SLTM: variants seen among roughly 807,000 people sequenced by gnomAD.
The protein encoded by SLTM is SAFB-like transcription modulator.
In SLTM, 43 loss-of-function variants were observed where a neutral mutation model predicts 134.6. The ratio of observed to expected loss-of-function variants is 0.32; its 90% CI spans 0.25 to 0.41. SLTM has a LOEUF of 0.41. SLTM is among the 10% of genes least tolerant of loss of function. SLTM has a pLI of 1.00. For synonymous variants in SLTM, 424 were observed against 432.3 expected (o/e 0.98, Z 0.24); for missense variants, 1,055 against 1,288.8 (o/e 0.82, Z 2.78).
chr15:58,897,724 A>G (rs550786787), intron 8 of SLTM, among the ~76,000 whole-genome samples: 3 of 152,284 alleles, frequency 2.0e-5, no homozygotes, highest in Admixed American at 1.3e-4. Flanking sequence ...ATATTAGAGA[A>G]TAAGTAAGAC....
At chr15:58,889,228 A>G (rs2034470904) in intron 16 of SLTM, 1 of 506,838 alleles carries the variant, frequency 2.0e-6, no homozygotes, top group South Asian at 3.0e-5. Flanking sequence ...ATTTGGCATC[A>G]GAAAGGTAGA....
At chr15:58,906,529 T>TTGGTTCTACTACATATC (rs1595887957) in intron 5 of SLTM, among the ~76,000 whole-genome samples, 1 of 152,198 alleles carries the variant, frequency 6.6e-6, no homozygotes, top group Admixed American at 6.5e-5. Context: ...AACCAAGTAT[T>TTGGTTCTACTACATATC]TACTACATAT....
At chr15:58,887,644 G>A (rs534468632) in intron 17 of SLTM, 104 bp from the exon 18 acceptor site, 1 of 1,489,346 alleles carries the variant, frequency 6.7e-7, no homozygotes, top group East Asian at 2.3e-5. Flanking sequence ...ACCAAAAAAT[G>A]AACTTAAGGC....
intron 2 of SLTM, among the ~76,000 whole-genome samples, chr15:58,919,542 C>G (rs1483369070): frequency 6.6e-6 from 1 of 151,986 alleles, no homozygotes; most frequent in African/African-American, 2.4e-5. Context: ...GGGAGAACTG[C>G]TTGAACCCAG....
intron 17 of SLTM, 43 bp from the exon 18 acceptor site, chr15:58,887,583 C>T (rs772825676): frequency 1.9e-6 from 3 of 1,552,552 alleles, no homozygotes; most frequent in South Asian, 2.5e-5. Flanking sequence ...GAAGTGCTTA[C>T]TTGAGTGCTT....
At chr15:58,901,615 G>C (rs996469688) in intron 5 of SLTM, among the ~76,000 whole-genome samples, 1 of 152,162 alleles carries the variant, frequency 6.6e-6, no homozygotes, top group Non-Finnish European at 1.5e-5. Flanking sequence ...AGGCTGACCT[G>C]ATGACGTATT....
chr15:58,897,427 T>C (rs1363320854), intron 8 of SLTM, 194 bp from the exon 9 acceptor site: 1 of 493,782 alleles, frequency 2.0e-6, no homozygotes, highest in Non-Finnish European at 3.6e-6. Context: ...CGTATGTACA[T>C]TTCCTATTGT....
intron 5 of SLTM, among the ~76,000 whole-genome samples, chr15:58,909,894 G>A (rs1268171844): frequency 6.6e-6 from 1 of 152,210 alleles, no homozygotes; most frequent in Non-Finnish European, 1.5e-5. Context: ...TGCTCTATGG[G>A]ATAAGCAAGT....
intron 4 of SLTM, chr15:58,912,854 A>G (rs1482535796): frequency 2.3e-6 from 1 of 433,514 alleles, no homozygotes. Context: ...GTAGAAGGGA[A>G]GTGTTTTAAG....
rs1380940720 is a variant in SLTM, at chr15:58,913,813, C to T, written c.316-117G>A. 3 of 737,586 alleles carry T rather than the reference C, an allele frequency of 4.1e-6. No individual in the cohort carries two copies. In the South Asian group the frequency reaches 5.6e-5, roughly 14 times the overall value. 45.7% of individuals were successfully genotyped at this position (737,586 alleles called of 1,614,324 possible). A position where few individuals can be genotyped will look rare whatever the true frequency, so the allele number is the denominator to read the frequency against. ...TCAAATTTGATCATATTTTAATATT[C>T]CCAAAGTTCATTCATTTTACCTTAT... On this transcript the variant is annotated intron_variant, in intron 3 of 20. Transcript: ENST00000380516.
At chr15:58,915,265 C>T (rs2036552358) in intron 3 of SLTM, among the ~76,000 whole-genome samples, 1 of 152,042 alleles carries the variant, frequency 6.6e-6, no homozygotes, top group South Asian at 2.1e-4. Context: ...ACATTATGAC[C>T]AGGTTTATTT....
intron 6 of SLTM, chr15:58,900,721 T>C (rs372063761): frequency 1.9e-5 from 3 of 154,682 alleles, no homozygotes; most frequent in African/African-American, 7.2e-5. Context: ...GACTCTTCCA[T>C]AACCTCCTAC....
intron 3 of SLTM, among the ~76,000 whole-genome samples, chr15:58,915,105 C>A (rs1335023686): frequency 6.6e-6 from 1 of 152,070 alleles, no homozygotes; most frequent in African/African-American, 2.4e-5. Context: ...GCAGGAGACT[C>A]TCTTGAACCT....
chr15:58,912,902 C>G, intron 4 of SLTM: 1 of 280,232 alleles, frequency 3.6e-6, no homozygotes, highest in Non-Finnish European at 6.9e-6. Flanking sequence ...AACCCACTGA[C>G]TTTCTTAAAA....
Position 58,899,279 on chromosome 15 carries a change from T to C in SLTM, c.1058+190A>G. On this transcript the variant is annotated intron_variant, in intron 7 of 20. Coordinates refer to ENST00000380516, the MANE Select transcript of SLTM (RefSeq NM_024755.4). This position sits in a 1 kb window ranked among gnomAD's most constrained non-coding sequence, Gnocchi z 5.0. ...TGCTGACATTCGACAATGCAATCAG[T>C]AGAACACACTGCATTATTATGAAGA... 3 of 576,112 alleles carry C rather than the reference T, an allele frequency of 5.2e-6. No individual in the cohort carries two copies. The Admixed American group carries it at 9.8e-5, about 19-fold the overall frequency. The allele number at this position is 576,112 out of a possible 1,614,324, so 35.7% of individuals were successfully genotyped here.
At chr15:58,897,093 T>C (rs781163671) in intron 9 of SLTM, 22 bp downstream of exon 9, 1 of 1,390,636 alleles carries the variant, frequency 7.2e-7, no homozygotes, top group Admixed American at 1.7e-5. Context: ...GAAAGACAGA[T>C]AAAAAGGTAA....
rs2033501297 is a variant in SLTM, at chr15:58,879,181, T to C, written c.*818A>G. Reference sequence around the variant, plus strand: ...CCACTTCTCAACATAGTTGGGAACATGGAAACATTAATACCCACACAATTC... The same window carrying C: ...CCACTTCTCAACATAGTTGGGAACACGGAAACATTAATACCCACACAATTC... On this transcript the variant is annotated 3_prime_UTR_variant, in exon 21 of 21. Transcript: ENST00000380516. 1 of 152,160 alleles carries C rather than the reference T, an allele frequency of 6.6e-6. No homozygotes were observed. Among genetic ancestry groups the C allele is most frequent in the Non-Finnish European group, 1.5e-5 (1 of 68,040 alleles). 9.4% of individuals were successfully genotyped at this position (152,160 alleles called of 1,614,324 possible). A position where few individuals can be genotyped will look rare whatever the true frequency, so the allele number is the denominator to read the frequency against.
At chr15:58,894,258 G>A (rs1595856963) in intron 10 of SLTM, 65 bp from the exon 11 acceptor site, 2 of 1,437,036 alleles carry the variant, frequency 1.4e-6, no homozygotes, top group Non-Finnish European at 9.6e-7. Flanking sequence ...TATAAGAAGT[G>A]TGCTAATGGC....
At chr15:58,898,025 A>T (rs2035217292) in intron 8 of SLTM, 1 of 152,170 alleles carries the variant, frequency 6.6e-6, no homozygotes. Context: ...ACTCACTTTA[A>T]GAGAAACAGT....
Sources: gnomAD v4.1 joint callset for allele counts (sites outside exome capture counted in the v4.1 genomes callset) on GRCh38, gnomAD v4.1.1 for gene constraint, Gnocchi (gnomAD v3.1) non-coding constraint, MANE v1.5 for transcripts, NCBI Gene and HGNC (gene_info 2026-07-23, HGNC 2026-07-21) for gene names.